The following NOL4 variants were observed in gnomAD, a reference collection of about 807,000 sequenced individuals.
NOL4 encodes nucleolar protein 4.
In NOL4, 17 loss-of-function variants were observed where a neutral mutation model predicts 75.9. The observed-to-expected ratio is 0.22, with a 90% CI of 0.15 to 0.34. NOL4 has a LOEUF of 0.34. Among genes scored for constraint, NOL4 ranks in the 10% least tolerant of loss-of-function variants. The pLI is 1.00. For synonymous variants in NOL4, 292 were observed against 289.9 expected (o/e 1.01, Z -0.07); for missense variants, 614 against 793.5 (o/e 0.77, Z 2.72).
At chr18:34,057,587 A>G (rs1050281168) in intron 5 of NOL4, among the ~76,000 whole-genome samples, 1 of 152,162 alleles carries the variant, frequency 6.6e-6, no homozygotes, top group East Asian at 1.9e-4. Flanking sequence ...ATCTTTATTA[A>G]TAATAATAGT....
At chr18:34,172,801 A>AT (rs1309874378) in intron 1 of NOL4, among the ~76,000 whole-genome samples, 1 of 152,076 alleles carries the variant, frequency 6.6e-6, no homozygotes, top group African/African-American at 2.4e-5. Flanking sequence ...CCTGTTGGCC[A>AT]TATTTACGTC....
Position 34,025,862 on chromosome 18 carries a change from A to G in NOL4, c.773-6261T>C, listed in dbSNP as rs182123961. On this transcript the variant is annotated intron_variant, in intron 5 of 10. Transcript: ENST00000261592. ...TACCCATGTTTTTAAAGTAACTTAG[A>G]GGTGAATGATTAGAATGTATACTCC... Among the ~76,000 whole-genome samples the G allele has an allele frequency of 3.9e-5, 6 of 152,188 alleles. No homozygotes were observed. In the East Asian group the frequency reaches 1.2e-3, roughly 30 times the overall value.
intron 9 of NOL4, among the ~76,000 whole-genome samples, chr18:33,885,429 C>T (rs979746161): frequency 3.3e-5 from 5 of 152,012 alleles, no homozygotes; most frequent in African/African-American, 1.2e-4. Context: ...CCCATCTGAC[C>T]AGGGTTTAAT....
chr18:34,101,897 A>G (rs2079058646), intron 4 of NOL4, among the ~76,000 whole-genome samples: 1 of 152,038 alleles, frequency 6.6e-6, no homozygotes, highest in African/African-American at 2.4e-5. Flanking sequence ...AGTTCTTAAA[A>G]TGTAAGACTC....
At chr18:34,055,412 C>T (rs991791118) in intron 5 of NOL4, among the ~76,000 whole-genome samples, 1 of 151,976 alleles carries the variant, frequency 6.6e-6, no homozygotes, top group Non-Finnish European at 1.5e-5. Context: ...TTTCTCTAAA[C>T]ACTTTGAATA....
At chr18:33,880,200 A>G (rs1039310447) in intron 10 of NOL4, among the ~76,000 whole-genome samples, 1 of 151,998 alleles carries the variant, frequency 6.6e-6, no homozygotes, top group African/African-American at 2.4e-5. Context: ...TCTTTATAGA[A>G]GACCTTTATA....
intron 1 of NOL4, among the ~76,000 whole-genome samples, chr18:34,219,626 A>G (rs534549813): frequency 6.6e-6 from 1 of 152,256 alleles, no homozygotes; most frequent in African/African-American, 2.4e-5. Context: ...GCTGCTTAAA[A>G]GTTGGATGTA....
chr18:33,970,369 T>C (rs1485230944), intron 6 of NOL4, among the ~76,000 whole-genome samples: 3 of 152,174 alleles, frequency 2.0e-5, no homozygotes, highest in Non-Finnish European at 4.4e-5. Context: ...ATCTTTCCCA[T>C]AAAATATGGT....
chr18:34,033,199 T>C (rs1207070628), intron 5 of NOL4, among the ~76,000 whole-genome samples: 2 of 151,784 alleles, frequency 1.3e-5, no homozygotes, highest in East Asian at 3.9e-4. Context: ...CAGCAATAGA[T>C]CCCAATCAAA....
rs564085391 is a variant in NOL4 at position 33,931,573 on chromosome 18, T to C, written c.1542+11492A>G. On this transcript the variant is annotated intron_variant, in intron 9 of 10. Transcript: ENST00000261592. ...CAGCAAGATCCTGTCTCTAAATTTTTTTGTTTTTTAATTAGCCAGGTGTGA... is the reference window on the plus strand; with the variant it reads ...CAGCAAGATCCTGTCTCTAAATTTTCTTGTTTTTTAATTAGCCAGGTGTGA... 9.2e-5 allele frequency among the ~76,000 whole-genome samples: 14 copies of C among 151,794 alleles called. No individual in the cohort carries two copies. The East Asian group carries it at 2.3e-3, about 25-fold the overall frequency.
chr18:34,078,300 G>GA (rs2077839571), intron 5 of NOL4, among the ~76,000 whole-genome samples: 1 of 152,164 alleles, frequency 6.6e-6, no homozygotes, highest in South Asian at 2.1e-4. Context: ...AATTGTGTCT[G>GA]AAGTGAAGTT....
At chr18:34,112,460 T>C (rs994488166) in intron 2 of NOL4, among the ~76,000 whole-genome samples, 1 of 151,694 alleles carries the variant, frequency 6.6e-6, no homozygotes, top group Non-Finnish European at 1.5e-5. Context: ...TATTTAATTT[T>C]ATATGTGTAT....
intron 1 of NOL4, among the ~76,000 whole-genome samples, chr18:34,184,952 C>G (rs1332601590): frequency 6.6e-6 from 1 of 152,038 alleles, no homozygotes; most frequent in African/African-American, 2.4e-5. Flanking sequence ...TGAGCAGAAA[C>G]CTGTGGAGGC....
intron 6 of NOL4, among the ~76,000 whole-genome samples, chr18:33,983,142 G>A (rs1352188791): frequency 6.6e-6 from 1 of 152,040 alleles, no homozygotes; most frequent in Non-Finnish European, 1.5e-5. Context: ...CTGAAAAAAG[G>A]CAAAACCATG....
chr18:34,020,180 C>T (rs967267670), intron 5 of NOL4, among the ~76,000 whole-genome samples: 7 of 151,712 alleles, frequency 4.6e-5, no homozygotes, highest in South Asian at 4.2e-4. Context: ...TTTATAGCAA[C>T]GCAAATGGGC....
At chr18:33,906,399 T>G (rs914002194) in intron 9 of NOL4, among the ~76,000 whole-genome samples, 2 of 152,202 alleles carry the variant, frequency 1.3e-5, no homozygotes, top group African/African-American at 4.8e-5. Flanking sequence ...CACCATGTTC[T>G]TAGTTTGCTA....
intron 10 of NOL4, among the ~76,000 whole-genome samples, chr18:33,863,427 A>T (rs936292031): frequency 4.6e-5 from 7 of 151,948 alleles, no homozygotes; most frequent in Non-Finnish European, 1.0e-4. Context: ...TAATAATAAT[A>T]AAAAAAAGTT....
chr18:34,081,745 C>G (rs2078020870), intron 5 of NOL4, among the ~76,000 whole-genome samples: 1 of 152,084 alleles, frequency 6.6e-6, no homozygotes, highest in African/African-American at 2.4e-5. Flanking sequence ...CCAAAGAGGG[C>G]AGCCACATTT....
At chr18:34,107,591 A>G (rs1036628648) in intron 2 of NOL4, among the ~76,000 whole-genome samples, 3 of 151,406 alleles carry the variant, frequency 2.0e-5, no homozygotes, top group African/African-American at 4.9e-5. Flanking sequence ...GAGTCCTCCT[A>G]TGCACAGGGA....
Sources: allele counts gnomAD v4.1 joint callset (sites outside exome capture counted in the v4.1 genomes callset), GRCh38; gene constraint gnomAD v4.1.1; transcripts MANE v1.5; gene names NCBI Gene and HGNC (gene_info 2026-07-23, HGNC 2026-07-21).